SLC35F4: variants seen among roughly 807,000 people sequenced by gnomAD.
SLC35F4 encodes the protein solute carrier family 35 member F4.
A neutral mutation model predicts 44.2 loss-of-function variants in SLC35F4; 24 were observed. The observed-to-expected ratio is 0.54, with a 90% CI of 0.39 to 0.76. The LOEUF (loss-of-function observed/expected upper bound fraction) is 0.76. Ranked by LOEUF, SLC35F4 falls within the 30% of genes least tolerant of loss-of-function variation. The pLI is 0.00. For missense variants in SLC35F4, 562 were observed against 586.1 expected, an observed-to-expected ratio of 0.96 and a Z score of 0.42; for synonymous variants, 238 against 223.6, an observed-to-expected ratio of 1.06 and a Z score of -0.57.
chr14:57,567,351 G>A (rs995953240), intron 6 of SLC35F4, among the ~76,000 whole-genome samples: 2 of 152,206 alleles, frequency 1.3e-5, no homozygotes, highest in East Asian at 1.9e-4. Context: ...AGAGAGATGA[G>A]TGTTAACAAT....
At chr14:57,620,670 A>C (rs1391117896) in intron 1 of SLC35F4, among the ~76,000 whole-genome samples, 1 of 152,146 alleles carries the variant, frequency 6.6e-6, no homozygotes, top group Non-Finnish European at 1.5e-5. Flanking sequence ...TGTCATAGAT[A>C]GCTCTTATTA....
At chr14:57,955,412 A>G (rs185654041) in intron 1 of SLC35F4, among the ~76,000 whole-genome samples, 2 of 151,562 alleles carry the variant, frequency 1.3e-5, no homozygotes, top group Admixed American at 1.3e-4. Flanking sequence ...TCACCACTCT[A>G]CTCACATAGT....
chr14:57,826,423 T>C (rs1001517659), intron 1 of SLC35F4, among the ~76,000 whole-genome samples: 1 of 152,138 alleles, frequency 6.6e-6, no homozygotes, highest in South Asian at 2.1e-4. Flanking sequence ...GAAGAAAACC[T>C]AGGCAATACC....
intron 1 of SLC35F4, among the ~76,000 whole-genome samples, chr14:57,843,575 A>T (rs2140966935): frequency 6.6e-6 from 1 of 152,276 alleles, no homozygotes; most frequent in East Asian, 1.9e-4. Flanking sequence ...CAAAAAGATA[A>T]TCTCACCTAA....
chr14:57,974,661 A>G (rs1351695290), downstream of SLC35F4, among the ~76,000 whole-genome samples: 1 of 152,186 alleles, frequency 6.6e-6, no homozygotes, highest in African/African-American at 2.4e-5. Context: ...TTCCTGTGGG[A>G]GACCTAGCCC....
At chr14:57,975,122 G>A (rs1322399867), downstream of SLC35F4, among the ~76,000 whole-genome samples, 5 of 152,176 alleles carry the variant, frequency 3.3e-5, no homozygotes, top group African/African-American at 1.2e-4. Flanking sequence ...TGAGTCACAG[G>A]AGTTTATTAC....
rs192977753 is a variant in SLC35F4, at chr14:57,689,872, A to C, written c.104-95748T>G. Among the ~76,000 whole-genome samples, 631 of 152,216 alleles carry C rather than the reference A, an allele frequency of 4.1e-3. 7 individuals carry two copies. The highest frequency in any genetic ancestry group is 0.014 in the African/African-American group (588 of 41,534). On this transcript the variant is annotated intron_variant, in intron 1 of 7. Coordinates refer to ENST00000556826, the MANE Select transcript of SLC35F4 (RefSeq NM_001306087.2). ...TGCACGTTGTGCACAGGTACCCTAA[A>C]ACTTAAAGTATAATAAAAAATAAAA...
intron 1 of SLC35F4, among the ~76,000 whole-genome samples, chr14:57,665,456 A>G (rs1447783536): frequency 6.6e-6 from 1 of 152,204 alleles, no homozygotes; most frequent in Non-Finnish European, 1.5e-5. Context: ...TTTAAGGATG[A>G]GGCAACTAAA....
In SLC35F4 at chr14:57,635,097, T is replaced by G. The variant is rs528126830; in HGVS notation, c.104-40973A>C. 1.7e-4 allele frequency among the ~76,000 whole-genome samples: 26 copies of G among 151,574 alleles called. No individual in the cohort carries two copies. In the South Asian group the frequency reaches 5.4e-3, roughly 32 times the overall value. Reference sequence around the variant, plus strand: ...AAACTCTGTACCTACCAAAAAGAAATTGGTAAGGTGTGATGGCATGCACCT... The same window carrying G: ...AAACTCTGTACCTACCAAAAAGAAAGTGGTAAGGTGTGATGGCATGCACCT... On this transcript the variant is annotated intron_variant, in intron 1 of 7. Coordinates refer to ENST00000556826, the MANE Select transcript of SLC35F4 (RefSeq NM_001306087.2).
chr14:57,860,391 C>T (rs191480543), intron 1 of SLC35F4, among the ~76,000 whole-genome samples: 1 of 152,284 alleles, frequency 6.6e-6, no homozygotes, highest in Admixed American at 6.5e-5. Flanking sequence ...AGTAAATGCA[C>T]TCCTTTACTG....
chr14:57,655,064 C>G (rs956001080), intron 1 of SLC35F4, among the ~76,000 whole-genome samples: 1 of 152,108 alleles, frequency 6.6e-6, no homozygotes, highest in Non-Finnish European at 1.5e-5. Context: ...ATCTCAGAAT[C>G]ACCCTGTCAA....
At chr14:57,608,072 T>C (rs1055187967) in intron 1 of SLC35F4, among the ~76,000 whole-genome samples, 5 of 152,046 alleles carry the variant, frequency 3.3e-5, no homozygotes, top group Admixed American at 1.3e-4. Flanking sequence ...CAAGGAGAGA[T>C]GGTCAGTGGG....
chr14:57,719,068 T>G (rs1382007366), intron 1 of SLC35F4, among the ~76,000 whole-genome samples: 1 of 152,210 alleles, frequency 6.6e-6, no homozygotes. Context: ...TATCTAGTTT[T>G]CTCAGCAGCA....
intron 1 of SLC35F4, among the ~76,000 whole-genome samples, chr14:57,600,348 T>G (rs1327915066): frequency 6.6e-6 from 1 of 152,166 alleles, no homozygotes; most frequent in Non-Finnish European, 1.5e-5. Context: ...TGATGTTGGT[T>G]GGTAGCCATA....
intron 1 of SLC35F4, among the ~76,000 whole-genome samples, chr14:57,943,749 T>C (rs1889958048): frequency 6.6e-6 from 1 of 152,238 alleles, no homozygotes; most frequent in Non-Finnish European, 1.5e-5. Context: ...CCGCCAGTGC[T>C]GGTTCTAATT....
chr14:57,676,849 T>A (rs934778416), intron 1 of SLC35F4, among the ~76,000 whole-genome samples: 1 of 152,046 alleles, frequency 6.6e-6, no homozygotes, highest in Non-Finnish European at 1.5e-5. Flanking sequence ...TGGAAAACAG[T>A]GTGGAGATTC....
chr14:57,675,534 G>A (rs944478595), intron 1 of SLC35F4, among the ~76,000 whole-genome samples: 4 of 151,928 alleles, frequency 2.6e-5, no homozygotes, highest in African/African-American at 9.7e-5. Flanking sequence ...GCTCTAACCA[G>A]GACTTCCAGT....
At chr14:57,668,830 T>A (rs2074409562) in intron 1 of SLC35F4, among the ~76,000 whole-genome samples, 1 of 152,110 alleles carries the variant, frequency 6.6e-6, no homozygotes, top group African/African-American at 2.4e-5. Flanking sequence ...TTTGATTCCA[T>A]ATGAACTTTA....
intron 1 of SLC35F4, among the ~76,000 whole-genome samples, chr14:57,771,283 G>A (rs541257939): frequency 9.2e-5 from 14 of 152,190 alleles, no homozygotes; most frequent in East Asian, 5.8e-4. Flanking sequence ...TCATAGTTCC[G>A]TTTAATATGT....
Sources: gnomAD v4.1 joint callset for allele counts (sites outside exome capture counted in the v4.1 genomes callset) on GRCh38, gnomAD v4.1.1 for gene constraint, MANE v1.5 for transcripts, NCBI Gene and HGNC (gene_info 2026-07-23, HGNC 2026-07-21) for gene names.